The following TPRG1 variants were observed in gnomAD, a reference collection of about 807,000 sequenced individuals.
TPRG1 encodes tumor protein p63-regulated gene 1 protein.
TPRG1 carries 29 observed loss-of-function variants against 29.3 expected under a neutral mutation model. The observed-to-expected ratio is 0.99, with a 90% CI of 0.74 to 1.35. TPRG1 has a LOEUF of 1.35. Among genes scored for constraint, TPRG1 ranks in the 40% most tolerant of loss-of-function variants. The probability of loss-of-function intolerance (pLI) is 0.00; values close to 1 mark genes in which losing one functional copy is unlikely to be tolerated. For synonymous variants in TPRG1, 130 were observed against 116.8 expected, an observed-to-expected ratio of 1.11 and a Z score of -0.73; for missense variants, 327 against 335.0, an observed-to-expected ratio of 0.98 and a Z score of 0.19.
intron 4 of TPRG1, among the ~76,000 whole-genome samples, chr3:189,033,335 G>A (rs1714048549): frequency 4.0e-5 from 6 of 151,402 alleles, no homozygotes; most frequent in Admixed American, 3.9e-4. Flanking sequence ...ATGCCGGAGT[G>A]CAGCTGTATG....
intron 4 of TPRG1, among the ~76,000 whole-genome samples, chr3:189,262,417 G>C (rs1713278392): frequency 6.6e-6 from 1 of 152,022 alleles, no homozygotes; most frequent in African/African-American, 2.4e-5. Context: ...TGGGAAGAGA[G>C]GTCGGTTGAG....
In TPRG1 at chr3:189,238,299, T is replaced by A. The variant is rs1010567739; in HGVS notation, c.303-434T>A. On this transcript the variant is annotated intron_variant, in intron 3 of 5. Coordinates refer to ENST00000345063, the MANE Select transcript of TPRG1 (RefSeq NM_198485.4). The stretch of plus-strand genomic sequence containing the variant: ...CAGCAGTGCAACCTTCGGAAATTAG[T>A]GTAGGCTAGTTCGTAGTGAGTAAAT... Among the ~76,000 whole-genome samples the A allele has an allele frequency of 5.3e-5, 8 of 152,320 alleles. No homozygotes were observed. The East Asian group carries it at 5.8e-4, about 11-fold the overall frequency.
At chr3:189,095,984 C>T (rs58501991), upstream of TPRG1, among the ~76,000 whole-genome samples, 4,286 of 152,288 alleles carry the variant, frequency 0.028, 204 homozygotes, top group African/African-American at 0.097. Context: ...CTCTTGACCT[C>T]TATCAGTCGT....
intron 4 of TPRG1, among the ~76,000 whole-genome samples, chr3:189,056,036 CCTTCCTTCCTTCCTTCCTTCCTT>C (rs1715660389): frequency 8.0e-5 from 3 of 37,344 alleles, no homozygotes; most frequent in South Asian, 1.6e-3. Flanking sequence ...TCCCTCCCTT[CCTTCCTTCCTTCCTTCCTTCCTT>C]CCTTCCTTCC....
chr3:189,206,662 G>A (rs1283088669), intron 1 of TPRG1, among the ~76,000 whole-genome samples: 1 of 151,896 alleles, frequency 6.6e-6, no homozygotes, highest in Non-Finnish European at 1.5e-5. Flanking sequence ...CGCCATGTCT[G>A]GCTAATTTTT....
chr3:189,088,800 A>T (rs1718136197), intron 4 of TPRG1, among the ~76,000 whole-genome samples: 1 of 152,216 alleles, frequency 6.6e-6, no homozygotes, highest in Non-Finnish European at 1.5e-5. Flanking sequence ...TTAGGAGGTC[A>T]AATTAACATC....
At chr3:189,308,234 G>T (rs987157325) in intron 4 of TPRG1, among the ~76,000 whole-genome samples, 2 of 152,092 alleles carry the variant, frequency 1.3e-5, no homozygotes, top group Non-Finnish European at 2.9e-5. Context: ...CCATAGTCAC[G>T]CAATGTTAAG....
At chr3:189,123,977 G>A (rs985338531) in intron 1 of TPRG1, among the ~76,000 whole-genome samples, 2 of 152,180 alleles carry the variant, frequency 1.3e-5, no homozygotes, top group African/African-American at 4.8e-5. Context: ...CTGTATGATT[G>A]TTTAGGATTT....
intron 4 of TPRG1, among the ~76,000 whole-genome samples, chr3:189,302,880 C>T (rs912543401): frequency 5.9e-5 from 9 of 151,954 alleles, no homozygotes; most frequent in African/African-American, 1.2e-4. Flanking sequence ...ATAGAAGTTT[C>T]GAAAAAACAA....
At chr3:189,312,165 C>T (rs201683640) in intron 5 of TPRG1, among the ~76,000 whole-genome samples, 4 of 68,642 alleles carry the variant, frequency 5.8e-5, no homozygotes, top group Admixed American at 2.0e-4. Flanking sequence ...TTCTTTCTTT[C>T]TTTCTTTCTT....
At chr3:189,156,450 G>C (rs1256326699) in intron 5 of TPRG1, among the ~76,000 whole-genome samples, 1 of 152,198 alleles carries the variant, frequency 6.6e-6, no homozygotes, top group African/African-American at 2.4e-5. Context: ...TTTGGAGTTA[G>C]AGTCAGTGAT....
At chr3:189,286,779 C>T (rs781082010) in intron 4 of TPRG1, among the ~76,000 whole-genome samples, 1 of 152,038 alleles carries the variant, frequency 6.6e-6, no homozygotes, top group Admixed American at 6.6e-5. Context: ...AACCATATGA[C>T]CAGAGACAGA....
At chr3:189,161,470 T>A (rs1329626452) in intron 5 of TPRG1, among the ~76,000 whole-genome samples, 5 of 103,888 alleles carry the variant, frequency 4.8e-5, no homozygotes, top group African/African-American at 3.3e-4. Flanking sequence ...GGTTCTTTTT[T>A]TTTATTATTA....
intron 1 of TPRG1, among the ~76,000 whole-genome samples, chr3:189,125,670 C>T (rs1722370078): frequency 6.6e-6 from 1 of 152,050 alleles, no homozygotes. Context: ...CACCTTCAAG[C>T]CCCATGTTAG....
rs1173257470 is a variant in TPRG1 at position 189,023,748 on chromosome 3, A to C, written c.-659-2A>C. ...TTTAACAGTCTGGCCACTCTTTTCT[A>C]GGGCTGCTGCAGTTTGCGGGGTTCT... On this transcript the variant is annotated splice_acceptor_variant, in intron 3 of 10. Coordinates refer to the TPRG1 transcript ENST00000433971. LOFTEE classifies it low-confidence loss of function (5UTR_SPLICE). 6.6e-6 allele frequency: 1 copy of C among 152,634 alleles called. No individual in the cohort carries two copies. Among genetic ancestry groups the C allele is most frequent in the African/African-American group, 2.4e-5 (1 of 41,440 alleles). The allele number at this position is 152,634 out of a possible 1,614,324, so 9.5% of individuals were successfully genotyped here.
At chr3:189,189,415 A>T (rs1351913977) in intron 1 of TPRG1, among the ~76,000 whole-genome samples, 1 of 152,120 alleles carries the variant, frequency 6.6e-6, no homozygotes, top group Admixed American at 6.5e-5. Flanking sequence ...CCTAAACTAC[A>T]TTTAGATAGT....
intron 5 of TPRG1, among the ~76,000 whole-genome samples, chr3:189,166,907 G>A (rs958531354): frequency 6.6e-6 from 1 of 152,134 alleles, no homozygotes; most frequent in Non-Finnish European, 1.5e-5. Flanking sequence ...GACTGAACTG[G>A]GGGTGGGACT....
rs188120765 is a variant in TPRG1 at position 189,180,951 on chromosome 3, G to A, written c.-10+8820G>A. On this transcript the variant is annotated intron_variant, in intron 1 of 5. Coordinates refer to ENST00000345063, the MANE Select transcript of TPRG1 (RefSeq NM_198485.4). ...ATACATCTTCTAAAATCTAGGCAGAGGTTCCCAAACCCCAGTTCTTGACTT... is the reference window on the plus strand; with the variant it reads ...ATACATCTTCTAAAATCTAGGCAGAAGTTCCCAAACCCCAGTTCTTGACTT... Among the ~76,000 whole-genome samples, 496 of 152,276 alleles carry A rather than the reference G, an allele frequency of 3.3e-3. 2 individuals carry two copies. Among genetic ancestry groups the A allele is most frequent in the African/African-American group, 0.011 (466 of 41,554 alleles).
intron 5 of TPRG1, among the ~76,000 whole-genome samples, chr3:189,156,280 C>T (rs943901379): frequency 6.6e-6 from 1 of 151,558 alleles, no homozygotes; most frequent in African/African-American, 2.4e-5. Context: ...CCGAAAAAAT[C>T]AAAGAAAAGG....
Sources: allele counts gnomAD v4.1 joint callset (sites outside exome capture counted in the v4.1 genomes callset), GRCh38; gene constraint gnomAD v4.1.1; transcripts MANE v1.5; gene names NCBI Gene and HGNC (gene_info 2026-07-23, HGNC 2026-07-21).